The following SHTN1 variants were observed in gnomAD, a reference collection of about 807,000 sequenced individuals.
The protein encoded by SHTN1 is shootin 1.
SHTN1 carries 42 observed loss-of-function variants against 83.1 expected under a neutral mutation model. The ratio of observed to expected loss-of-function variants is 0.51; its 90% confidence interval spans 0.39 to 0.65. The LOEUF is 0.65. SHTN1 is among the 30% of genes least tolerant of loss of function. The probability of loss-of-function intolerance (pLI) is 0.00; values close to 1 mark genes in which losing one functional copy is unlikely to be tolerated. For synonymous variants in SHTN1, 224 were observed against 247.7 expected (o/e 0.90, Z 0.90); for missense variants, 622 against 737.8 (o/e 0.84, Z 1.82).
intron 2 of SHTN1, among the ~76,000 whole-genome samples, chr10:116,969,239 G>GAGACATGGTGAAACACCA (rs1427277531): frequency 6.6e-6 from 1 of 152,090 alleles, no homozygotes; most frequent in Non-Finnish European, 1.5e-5. Context: ...AGCCTTGCCA[G>GAGACATGGTGAAACACCA]AGACCAGCTT....
chr10:117,077,368 C>CTTAA (rs1205173342), intron 1 of SHTN1, among the ~76,000 whole-genome samples: 1 of 152,086 alleles, frequency 6.6e-6, no homozygotes, highest in Non-Finnish European at 1.5e-5. Context: ...TACCTGGGCA[C>CTTAA]TTAAGGAAAT....
intron 2 of SHTN1, among the ~76,000 whole-genome samples, chr10:117,012,260 G>C (rs1029939455): frequency 6.6e-6 from 1 of 151,488 alleles, no homozygotes; most frequent in African/African-American, 2.4e-5. Flanking sequence ...ATCATAAAAT[G>C]TATTATGGAA....
rs61872989 is a variant in SHTN1, at chr10:116,887,392, A to G, written c.1674-826T>C. On this transcript the variant is annotated intron_variant, in intron 16 of 16. Transcript: ENST00000355371. ...GCGGCCTGAAGGTGGAGGCAGCTGCAGCAGGCAGGGCTGGGGCTTTCGGAC... is the reference window on the plus strand; with the variant it reads ...GCGGCCTGAAGGTGGAGGCAGCTGCGGCAGGCAGGGCTGGGGCTTTCGGAC... Among the ~76,000 whole-genome samples, 614 of 152,318 alleles carry G rather than the reference A, an allele frequency of 4.0e-3. 1 individual carries two copies. The highest frequency in any genetic ancestry group is 7.0e-3 in the Non-Finnish European group (477 of 68,032).
At chr10:116,997,740 C>T (rs1311863399) in intron 1 of SHTN1, among the ~76,000 whole-genome samples, 9 of 152,148 alleles carry the variant, frequency 5.9e-5, no homozygotes, top group Admixed American at 5.9e-4. Flanking sequence ...TACTGGTTCC[C>T]CCTTTTCCAT....
intron 1 of SHTN1, among the ~76,000 whole-genome samples, chr10:116,991,670 T>A (rs894883780): frequency 6.6e-6 from 1 of 152,066 alleles, no homozygotes; most frequent in African/African-American, 2.4e-5. Flanking sequence ...TCATGAGGGA[T>A]CCAGCCCCAT....
chr10:117,000,770 C>T (rs545085636), intron 1 of SHTN1, among the ~76,000 whole-genome samples: 42 of 152,262 alleles, frequency 2.8e-4, no homozygotes, highest in African/African-American at 9.4e-4. Context: ...CCTGCCCTCC[C>T]GTGGCCAAAG....
At chr10:117,075,274 T>A (rs1743429253) in intron 1 of SHTN1, among the ~76,000 whole-genome samples, 2 of 152,084 alleles carry the variant, frequency 1.3e-5, no homozygotes, top group South Asian at 4.1e-4. Flanking sequence ...ATTTGATGAG[T>A]CACAGTTGTT....
At chr10:117,076,763 C>T (rs978240573) in intron 1 of SHTN1, among the ~76,000 whole-genome samples, 23 of 152,242 alleles carry the variant, frequency 1.5e-4, no homozygotes, top group Middle Eastern at 3.4e-3. Context: ...AGAAAGAGAA[C>T]CGGAAAAAAT....
intron 12 of SHTN1, among the ~76,000 whole-genome samples, chr10:116,919,992 T>G (rs1013412189): frequency 1.3e-5 from 2 of 151,984 alleles, no homozygotes; most frequent in Admixed American, 1.3e-4. Flanking sequence ...CCAAGAAGAG[T>G]AAACCCTCAA....
intron 5 of SHTN1, among the ~76,000 whole-genome samples, chr10:116,953,240 A>T (rs1357209582): frequency 1.6e-4 from 24 of 152,222 alleles, no homozygotes; most frequent in Admixed American, 1.6e-3. Flanking sequence ...ATGAATGTGC[A>T]TTCAGTAGAT....
intron 2 of SHTN1, among the ~76,000 whole-genome samples, chr10:117,040,912 CTCTTTT>C (rs1852574029): frequency 1.3e-5 from 2 of 151,394 alleles, no homozygotes; most frequent in Non-Finnish European, 1.5e-5. Flanking sequence ...TTATACTCAA[CTCTTTT>C]TCTTTTATTA....
intron 6 of SHTN1, among the ~76,000 whole-genome samples, chr10:116,951,574 C>T (rs1376209732): frequency 6.6e-6 from 1 of 152,218 alleles, no homozygotes; most frequent in Admixed American, 6.5e-5. Flanking sequence ...AAAACATGCT[C>T]TTCTTTCTCT....
At chr10:117,067,892 T>C (rs1220756501) in intron 1 of SHTN1, among the ~76,000 whole-genome samples, 4 of 152,066 alleles carry the variant, frequency 2.6e-5, no homozygotes, top group Admixed American at 6.5e-5. Flanking sequence ...GCATGAACAA[T>C]TGCATAGACA....
At chr10:117,098,041 T>C (rs973289232) in intron 1 of SHTN1, among the ~76,000 whole-genome samples, 1 of 151,972 alleles carries the variant, frequency 6.6e-6, no homozygotes, top group African/African-American at 2.4e-5. Flanking sequence ...TGGCAAATTT[T>C]TTCCAGTAGT....
chr10:116,962,986 A>AGAAATACTT (rs1386536901), intron 3 of SHTN1, among the ~76,000 whole-genome samples: 1 of 150,836 alleles, frequency 6.6e-6, no homozygotes, highest in African/African-American at 2.4e-5. Flanking sequence ...GACGCAAAAC[A>AGAAATACTT]GAAATACTTT....
intron 16 of SHTN1, among the ~76,000 whole-genome samples, chr10:116,898,773 C>A (rs973699163): frequency 2.6e-5 from 4 of 151,966 alleles, no homozygotes; most frequent in African/African-American, 9.7e-5. Flanking sequence ...AAAAAAAACA[C>A]CCTTGCTTTG....
intron 16 of SHTN1, among the ~76,000 whole-genome samples, chr10:116,890,572 CA>C (rs1385684470): frequency 6.6e-6 from 1 of 152,182 alleles, no homozygotes; most frequent in African/African-American, 2.4e-5. Context: ...ACTATGTGCT[CA>C]AAGGCTATTT....
At chr10:116,892,182 A>G (rs1011391305) in intron 16 of SHTN1, among the ~76,000 whole-genome samples, 15 of 152,152 alleles carry the variant, frequency 9.9e-5, no homozygotes, top group South Asian at 2.1e-4. Context: ...CCGGACCACA[A>G]TGCAATGCTA....
chr10:116,911,585 A>C (rs1186539754), intron 14 of SHTN1: 5 of 1,551,056 alleles, frequency 3.2e-6, no homozygotes, highest in Non-Finnish European at 4.4e-6. Flanking sequence ...ACTCTTTTAG[A>C]ACAAAAACAG....
Sources: gnomAD v4.1 joint callset for allele counts (sites outside exome capture counted in the v4.1 genomes callset) on GRCh38, gnomAD v4.1.1 for gene constraint, MANE v1.5 for transcripts, NCBI Gene and HGNC (gene_info 2026-07-23, HGNC 2026-07-21) for gene names.